CTDP1: variants seen among roughly 807,000 people sequenced by gnomAD.
CTDP1 encodes the protein CTD phosphatase 1, also known as RNA polymerase II subunit A C-terminal domain phosphatase.
Under a neutral mutation model 91.8 loss-of-function variants are expected in CTDP1, and 47 were observed. The ratio of observed to expected loss-of-function variants is 0.51; its 90% confidence interval spans 0.41 to 0.65. CTDP1 has a LOEUF of 0.65. CTDP1 is among the 30% of genes least tolerant of loss of function. CTDP1 has a pLI of 0.00. For synonymous variants in CTDP1, 656 were observed against 598.5 expected, an observed-to-expected ratio of 1.10 and a Z score of -1.40; for missense variants, 1,272 against 1,373.7, an observed-to-expected ratio of 0.93 and a Z score of 1.17.
intron 1 of CTDP1, chr18:79,685,532 G>T (rs1346448167): frequency 6.6e-6 from 1 of 152,188 alleles, no homozygotes; most frequent in East Asian, 1.9e-4. Flanking sequence ...CACCAGCGCA[G>T]GGTGTGAGAG....
At chr18:79,689,306 T>C (rs1324188110) in intron 1 of CTDP1, among the ~76,000 whole-genome samples, 1 of 152,220 alleles carries the variant, frequency 6.6e-6, no homozygotes, top group Non-Finnish European at 1.5e-5. Flanking sequence ...ACTTTTCCTG[T>C]TGTAATTCAG....
downstream of CTDP1, chr18:79,755,973 G>C (rs2122935994): frequency 6.6e-6 from 1 of 152,446 alleles, no homozygotes; most frequent in East Asian, 1.9e-4. Context: ...CGAGTGAACA[G>C]AGCATGCAGG....
intron 10 of CTDP1, among the ~76,000 whole-genome samples, chr18:79,727,656 A>C (rs2086478594): frequency 6.6e-6 from 1 of 152,196 alleles, no homozygotes; most frequent in South Asian, 2.1e-4. Context: ...TAAATAGCCT[A>C]ACATGGTTGT....
chr18:79,751,510 T>C (rs921267171), intron 12 of CTDP1, among the ~76,000 whole-genome samples: 2 of 152,222 alleles, frequency 1.3e-5, no homozygotes, highest in African/African-American at 4.8e-5. Context: ...ACTGATCGGC[T>C]GTGTGTGCCA....
chr18:79,748,049 T>A (rs1047969263), intron 12 of CTDP1, among the ~76,000 whole-genome samples: 4 of 152,210 alleles, frequency 2.6e-5, no homozygotes, highest in Non-Finnish European at 5.9e-5. Context: ...AAGCTGTAAA[T>A]TTTCCCCAAA....
At chr18:79,694,556 G>C (rs1178244556) in intron 1 of CTDP1, among the ~76,000 whole-genome samples, 2 of 149,770 alleles carry the variant, frequency 1.3e-5, no homozygotes, top group Non-Finnish European at 3.0e-5. Context: ...CGGACACCTA[G>C]GGTCAGGCGC....
intron 4 of CTDP1, 27 bp from the exon 5 acceptor site, chr18:79,704,734 TTTTCTC>T: frequency 6.2e-7 from 1 of 1,611,698 alleles, no homozygotes; most frequent in East Asian, 2.2e-5. Context: ...TCCTCAGGCC[TTTTCTC>T]CCGACTGTTG....
chr18:79,737,168 C>T (rs147058965), intron 12 of CTDP1, among the ~76,000 whole-genome samples: 52 of 152,332 alleles, frequency 3.4e-4, no homozygotes, highest in African/African-American at 1.2e-3. Context: ...GCCGCAACAG[C>T]GCACTCTAAA....
chr18:79,738,409 C>T (rs936000522), intron 12 of CTDP1, among the ~76,000 whole-genome samples: 6 of 152,172 alleles, frequency 3.9e-5, no homozygotes, highest in African/African-American at 4.8e-5. Context: ...GGCCGTGGGC[C>T]GGTATTTGGA....
In CTDP1 at chr18:79,715,314, G is replaced by A; in HGVS notation, c.1854G>A (p.Glu618=). 2 of 1,609,772 alleles carry A rather than the reference G, an allele frequency of 1.2e-6. No homozygotes were observed. The highest frequency in any genetic ancestry group is 1.7e-6 in the Non-Finnish European group (2 of 1,177,996). ...YDRYLNKEIE[E]APDIRKIVPE... is the part of the protein sequence containing the mutation. ...GCTACCTCAACAAGGAGATCGAGGA[G>A]GCGCCGGACATCCGCAAGATCGTGC... The change falls in exon 8 of 13, where the codon GAG becomes GAA. Residue 618 remains glutamate, a synonymous_variant. Coordinates refer to ENST00000613122, the MANE Select transcript of CTDP1 (RefSeq NM_004715.5).
At chr18:79,678,474 A>G (rs1356864619), upstream of CTDP1, 1 of 152,172 alleles carries the variant, frequency 6.6e-6, no homozygotes, top group Non-Finnish European at 1.5e-5. Context: ...TTTGCCTTTA[A>G]AATCCACTGT....
At chr18:79,699,410 G>A (rs1036792032) in intron 4 of CTDP1, among the ~76,000 whole-genome samples, 7 of 151,890 alleles carry the variant, frequency 4.6e-5, no homozygotes, top group African/African-American at 1.2e-4. Flanking sequence ...ACAGGTGCCC[G>A]CCACCACACC....
Position 79,736,262 on chromosome 18 carries a change from C to T in CTDP1, c.2581-93C>T, listed in dbSNP as rs2086664681. 10 of 1,499,564 alleles carry T rather than the reference C, an allele frequency of 6.7e-6. No individual in the cohort carries two copies. The South Asian group carries it at 1.1e-4, about 16-fold the overall frequency. 92.9% of individuals were successfully genotyped at this position (1,499,564 alleles called of 1,614,324 possible). On this transcript the variant is annotated intron_variant, in intron 11 of 12. Transcript: ENST00000613122. ...GCTACCTCCAGCCCCCACCCTGCTG[C>T]ACTCAGAGCCCTGGACTCTGCCGGG...
At chr18:79,682,182 G>T (rs1215575917) in intron 1 of CTDP1, among the ~76,000 whole-genome samples, 1 of 152,206 alleles carries the variant, frequency 6.6e-6, no homozygotes. Context: ...GGCTCCGTGT[G>T]GTCCAGATGA....
chr18:79,736,753 G>T (rs929492806), intron 12 of CTDP1, among the ~76,000 whole-genome samples: 2 of 152,084 alleles, frequency 1.3e-5, no homozygotes, highest in African/African-American at 4.8e-5. Context: ...GGTGTGGGGG[G>T]GGATCTGTAC....
chr18:79,750,790 A>T (rs1384492798), intron 12 of CTDP1, among the ~76,000 whole-genome samples: 1 of 150,774 alleles, frequency 6.6e-6, no homozygotes, highest in Non-Finnish European at 1.5e-5. Context: ...CTGGTATTAC[A>T]GGTGTGAGCC....
chr18:79,749,121 A>T (rs1456607457), intron 12 of CTDP1, among the ~76,000 whole-genome samples: 1 of 152,188 alleles, frequency 6.6e-6, no homozygotes, highest in Admixed American at 6.5e-5. Context: ...TCAAACAGAG[A>T]GTCACAGCTG....
Position 79,715,285 on chromosome 18 carries a change from G to T in CTDP1, c.1825G>T (p.Asp609Tyr), listed in dbSNP as rs1169796024. 1 of 1,610,430 alleles carries T rather than the reference G, an allele frequency of 6.2e-7. No individual in the cohort carries two copies. The highest frequency in any genetic ancestry group is 1.1e-5 in the South Asian group (1 of 90,364). Reference protein sequence around the residue: ...RVHTDYYAKYDRYLNKEIEEA... With the variant: ...RVHTDYYAKYYRYLNKEIEEA... ...ACACACTGACTACTATGCCAAGTAT[G>T]ACCGCTACCTCAACAAGGAGATCGA... is the stretch of plus-strand genomic sequence containing the variant. Residue 609 changes from aspartate (D) to tyrosine (Y), a missense_variant, in exon 8 of 13, where the codon GAC becomes TAC. Physicochemically the swap from Asp to Tyr is radical, Grantham distance 160. Around this residue, in one of 3 missense-constraint regions of CTDP1, gnomAD observed 881 missense variants for 911.6 expected, o/e 0.97. Coordinates refer to ENST00000613122, the MANE Select transcript of CTDP1 (RefSeq NM_004715.5).
intron 1 of CTDP1, among the ~76,000 whole-genome samples, chr18:79,688,630 C>T (rs2085557435): frequency 6.6e-6 from 1 of 152,192 alleles, no homozygotes; most frequent in African/African-American, 2.4e-5. Context: ...GAACTCCTGA[C>T]CTCAGGTGAC....
Sources: gnomAD v4.1 joint callset for allele counts (sites outside exome capture counted in the v4.1 genomes callset) on GRCh38, gnomAD v4.1.1 for gene constraint, gnomAD v4.1.1 regional missense constraint, MANE v1.5 for transcripts, NCBI Gene and HGNC (gene_info 2026-07-23, HGNC 2026-07-21) for gene names.